Variants in LUZP2 observed in about 807,000 individuals in gnomAD.
LUZP2 encodes leucine zipper protein 2.
A neutral mutation model predicts 51.6 loss-of-function variants in LUZP2; 52 were observed. That is an observed-to-expected ratio of 1.01 (90% CI 0.81 to 1.27). The LOEUF (loss-of-function observed/expected upper bound fraction) is 1.27, where lower values mean the gene tolerates loss of function less well. Ranked by LOEUF, LUZP2 falls within the 50% of genes most tolerant of loss-of-function variation. The probability of loss-of-function intolerance (pLI) is 0.00; values close to 1 mark genes in which losing one functional copy is unlikely to be tolerated. For missense variants in LUZP2, 436 were observed against 395.4 expected (o/e 1.10, Z -0.87); for synonymous variants, 154 against 137.3 (o/e 1.12, Z -0.85).
chr11:24,685,055 G>A (rs1323554081), intron 1 of LUZP2, among the ~76,000 whole-genome samples: 1 of 138,496 alleles, frequency 7.2e-6, no homozygotes, highest in East Asian at 2.0e-4. Context: ...GTGTGTGTGT[G>A]TGTGTTTTCC....
chr11:24,627,852 T>C (rs994913709), intron 1 of LUZP2, among the ~76,000 whole-genome samples: 1 of 152,202 alleles, frequency 6.6e-6, no homozygotes, highest in African/African-American at 2.4e-5. Flanking sequence ...TCCAGCTTAC[T>C]CTTCTCCAAA....
intron 5 of LUZP2, among the ~76,000 whole-genome samples, chr11:24,876,607 T>G (rs3926546): frequency 0.46 from 65,843 of 144,664 alleles, 14,780 homozygotes; most frequent in East Asian, 0.67. Context: ...ATATGAACTT[T>G]AAAGTAGTTT....
intron 1 of LUZP2, among the ~76,000 whole-genome samples, chr11:24,580,896 T>C (rs1468126307): frequency 1.3e-5 from 2 of 152,066 alleles, no homozygotes; most frequent in African/African-American, 2.4e-5. Context: ...ATAAAAATAG[T>C]TTTATCTCTA....
At chr11:24,961,876 T>C (rs1482396460) in intron 7 of LUZP2, among the ~76,000 whole-genome samples, 4 of 151,492 alleles carry the variant, frequency 2.6e-5, no homozygotes, top group African/African-American at 4.9e-5. Context: ...GATTTTGCAG[T>C]GGCTGGTACC....
chr11:24,953,224 T>A (rs1855125213), intron 7 of LUZP2, among the ~76,000 whole-genome samples: 1 of 151,924 alleles, frequency 6.6e-6, no homozygotes, highest in Non-Finnish European at 1.5e-5. Flanking sequence ...GGAATAAGCA[T>A]CTAGTGCAGC....
At chr11:25,035,788 G>T (rs574137894) in intron 9 of LUZP2, among the ~76,000 whole-genome samples, 1 of 152,162 alleles carries the variant, frequency 6.6e-6, no homozygotes, top group East Asian at 1.9e-4. Flanking sequence ...TACTTATGTT[G>T]AACTAGCCTT....
chr11:24,921,757 A>G (rs1854066343), intron 7 of LUZP2, among the ~76,000 whole-genome samples: 1 of 152,174 alleles, frequency 6.6e-6, no homozygotes, highest in Admixed American at 6.5e-5. Context: ...ATAATATGTC[A>G]TTTTAAATAT....
intron 7 of LUZP2, among the ~76,000 whole-genome samples, chr11:24,939,548 G>A (rs1167347863): frequency 6.6e-6 from 1 of 151,664 alleles, no homozygotes; most frequent in Non-Finnish European, 1.5e-5. Context: ...ATATTCATAG[G>A]AAGGAAGGAA....
chr11:24,542,671 T>G (rs4491224), intron 1 of LUZP2, among the ~76,000 whole-genome samples: 86,304 of 151,708 alleles, frequency 0.57, 25,227 homozygotes, highest in East Asian at 0.75. Context: ...TAGCCATAAT[T>G]ATACAGAAGA....
At chr11:24,512,367 C>T (rs1448697938) in intron 1 of LUZP2, among the ~76,000 whole-genome samples, 1 of 151,972 alleles carries the variant, frequency 6.6e-6, no homozygotes, top group African/African-American at 2.4e-5. Flanking sequence ...CTCATAGATG[C>T]CAAATAACTT....
At chr11:24,915,093 A>G (rs1207898396) in intron 7 of LUZP2, among the ~76,000 whole-genome samples, 1 of 152,140 alleles carries the variant, frequency 6.6e-6, no homozygotes, top group Non-Finnish European at 1.5e-5. Flanking sequence ...GTTATTTTAC[A>G]TTTTATGAAA....
At chr11:24,742,097 G>A (rs1048354880) in intron 4 of LUZP2, among the ~76,000 whole-genome samples, 1 of 130,624 alleles carries the variant, frequency 7.7e-6, no homozygotes. Context: ...TTATCCACTT[G>A]TTGATTGATG....
At position 25,059,257 on chromosome 11, in the gene LUZP2, G is replaced by C. The variant is rs1858768089; in HGVS notation, c.858+9127G>C. ...TAACAATAACAAAGTCATAGCAATT[G>C]GCAAGATCAGCGATACAAAGTAAAT... On this transcript the variant is annotated intron_variant, in intron 10 of 11. Coordinates refer to ENST00000336930, the MANE Select transcript of LUZP2 (RefSeq NM_001009909.4). Among the ~76,000 whole-genome samples the C allele has an allele frequency of 3.3e-5, 5 of 152,172 alleles. No homozygotes were observed. In the South Asian group the frequency reaches 1.0e-3, roughly 32 times the overall value.
chr11:24,666,422 G>T lies in LUZP2; in HGVS notation c.63-62747G>T, dbSNP rs141387759. On this transcript the variant is annotated intron_variant, in intron 1 of 11. Coordinates refer to ENST00000336930, the MANE Select transcript of LUZP2 (RefSeq NM_001009909.4). ...GAAAAATACAGACAACCATTGAGGA[G>T]AAAATTATACTATATGATTTATATT... Among the ~76,000 whole-genome samples, 42 of 152,136 alleles carry T rather than the reference G, an allele frequency of 2.8e-4. 1 individual carries two copies. The East Asian group carries it at 5.2e-3, about 19-fold the overall frequency.
intron 9 of LUZP2, among the ~76,000 whole-genome samples, chr11:25,018,912 C>G (rs1389231623): frequency 6.6e-6 from 1 of 152,090 alleles, no homozygotes; most frequent in Admixed American, 6.6e-5. Context: ...CCAGCCTTAT[C>G]TTCCCTTTAA....
intron 1 of LUZP2, among the ~76,000 whole-genome samples, chr11:24,664,320 G>T (rs1422845124): frequency 6.6e-6 from 1 of 152,158 alleles, no homozygotes. Flanking sequence ...AGGGTATCAT[G>T]TGTAAGAAAT....
In LUZP2 at chr11:24,506,861, A is replaced by G. The variant is rs140346674; in HGVS notation, c.62+9556A>G. Among the ~76,000 whole-genome samples, 293 of 152,238 alleles carry G rather than the reference A, an allele frequency of 1.9e-3. 3 individuals are homozygous for G. The highest frequency in any genetic ancestry group is 6.6e-3 in the African/African-American group (274 of 41,568). On this transcript the variant is annotated intron_variant, in intron 1 of 11. Coordinates refer to ENST00000336930, the MANE Select transcript of LUZP2 (RefSeq NM_001009909.4). ...TAAGAATGGCTTTATGAATGAAACTATTAGGCTGCCTATATAGAATCTAGT... is the reference window on the plus strand; with the variant it reads ...TAAGAATGGCTTTATGAATGAAACTGTTAGGCTGCCTATATAGAATCTAGT...
intron 1 of LUZP2, among the ~76,000 whole-genome samples, chr11:24,529,720 G>T (rs559913321): frequency 3.3e-5 from 5 of 150,870 alleles, no homozygotes; most frequent in Non-Finnish European, 7.4e-5. Flanking sequence ...TAGAGCAAAA[G>T]AATATGATTG....
intron 1 of LUZP2, among the ~76,000 whole-genome samples, chr11:24,534,429 C>G (rs1851107145): frequency 6.9e-6 from 1 of 145,006 alleles, no homozygotes; most frequent in African/African-American, 2.7e-5. Flanking sequence ...AGAAAGATTA[C>G]ACATACATTT....
Sources: gnomAD v4.1 joint callset for allele counts (sites outside exome capture counted in the v4.1 genomes callset) on GRCh38, gnomAD v4.1.1 for gene constraint, MANE v1.5 for transcripts, NCBI Gene and HGNC (gene_info 2026-07-23, HGNC 2026-07-21) for gene names.